Variants in PTPRD observed in about 807,000 individuals in gnomAD.
PTPRD encodes the protein protein tyrosine phosphatase receptor type D, also known as receptor-type tyrosine-protein phosphatase delta.
A neutral mutation model predicts 214.5 loss-of-function variants in PTPRD; 34 were observed. The observed-to-expected ratio is 0.16, with a 90% CI of 0.12 to 0.21. The LOEUF (loss-of-function observed/expected upper bound fraction) is 0.21. Among genes scored for constraint, PTPRD ranks in the 10% least tolerant of loss-of-function variants. PTPRD has a pLI of 1.00. For missense variants in PTPRD, 2,545 were observed against 2,398.7 expected, an observed-to-expected ratio of 1.06 and a Z score of -1.27; for synonymous variants, 1,128 against 845.7, an observed-to-expected ratio of 1.33 and a Z score of -5.79.
intron 14 of PTPRD, among the ~76,000 whole-genome samples, chr9:8,596,069 T>C (rs1375833961): frequency 6.6e-6 from 1 of 152,186 alleles, no homozygotes; most frequent in Non-Finnish European, 1.5e-5. Context: ...TAAACATATT[T>C]ATCTTTTTCA....
At position 9,260,802 on chromosome 9, in the gene PTPRD, T is replaced by C. The variant is rs918537451; in HGVS notation, c.-202-77439A>G. 5.9e-5 allele frequency among the ~76,000 whole-genome samples: 9 copies of C among 152,008 alleles called. 1 individual carries two copies. Among genetic ancestry groups the C allele is most frequent in the Admixed American group, 5.9e-4 (9 of 15,248 alleles). ...CACTGACAATCACTTTTTCCCACCC[T>C]GTTCTCTTTAGGACAAACCGTGCAG... On this transcript the variant is annotated intron_variant, in intron 9 of 45. Transcript: ENST00000381196.
At chr9:8,450,361 A>C (rs2095887897) in intron 33 of PTPRD, among the ~76,000 whole-genome samples, 1 of 152,152 alleles carries the variant, frequency 6.6e-6, no homozygotes, top group Non-Finnish European at 1.5e-5. Flanking sequence ...GTGCATTTTT[A>C]AGATGCCAAG....
At position 9,290,319 on chromosome 9, in the gene PTPRD, C is replaced by T. The variant is rs141593634; in HGVS notation, c.-202-106956G>A. On this transcript the variant is annotated intron_variant, in intron 9 of 45. Transcript: ENST00000381196. ...TTAAATTAGATTATTTGCTTCTTTG[C>T]TATTTAGTTGTGTGAGTTTCTTATA... 9.9e-5 allele frequency among the ~76,000 whole-genome samples: 15 copies of T among 151,622 alleles called. No individual in the cohort carries two copies. The East Asian group carries it at 2.7e-3, about 28-fold the overall frequency.
At chr9:8,648,940 C>G (rs2154342231) in intron 12 of PTPRD, among the ~76,000 whole-genome samples, 1 of 152,306 alleles carries the variant, frequency 6.6e-6, no homozygotes, top group Middle Eastern at 3.4e-3. Context: ...TGCTGATCAT[C>G]ATTAAAAATA....
intron 2 of PTPRD, among the ~76,000 whole-genome samples, chr9:10,384,307 T>C (rs138931873): frequency 6.6e-6 from 1 of 151,696 alleles, no homozygotes; most frequent in African/African-American, 2.4e-5. Flanking sequence ...ATACACCTAC[T>C]AGGTACCCAC....
At chr9:9,818,467 T>C (rs1418944489) in intron 5 of PTPRD, among the ~76,000 whole-genome samples, 3 of 152,202 alleles carry the variant, frequency 2.0e-5, no homozygotes, top group Admixed American at 6.5e-5. Context: ...CATTATTTAG[T>C]TTATGAGTAA....
At chr9:9,258,585 T>G (rs1364627409) in intron 9 of PTPRD, among the ~76,000 whole-genome samples, 1 of 151,950 alleles carries the variant, frequency 6.6e-6, no homozygotes, top group Non-Finnish European at 1.5e-5. Flanking sequence ...GTATAATCAT[T>G]CAAATATTTT....
At chr9:10,382,246 G>A (rs2097840880) in intron 2 of PTPRD, among the ~76,000 whole-genome samples, 2 of 151,774 alleles carry the variant, frequency 1.3e-5, no homozygotes, top group Non-Finnish European at 2.9e-5. Context: ...TCTAATATAG[G>A]CATTTAAAGC....
chr9:10,256,069 G>T (rs1399870367), intron 3 of PTPRD, among the ~76,000 whole-genome samples: 1 of 152,200 alleles, frequency 6.6e-6, no homozygotes, highest in Non-Finnish European at 1.5e-5. Flanking sequence ...CTGCATATGT[G>T]AGGAGTCTAG....
chr9:10,364,608 T>TTTAA (rs61165948), intron 2 of PTPRD, among the ~76,000 whole-genome samples: 10,570 of 152,210 alleles, frequency 0.069, 1,216 homozygotes, highest in African/African-American at 0.24. Context: ...CAACTATATC[T>TTTAA]TTAACCTCAA....
chr9:8,453,344 TTAG>T (rs2096041948), intron 33 of PTPRD, among the ~76,000 whole-genome samples: 2 of 151,992 alleles, frequency 1.3e-5, no homozygotes, highest in South Asian at 2.1e-4. Context: ...TTTGTATTTT[TTAG>T]TAGAGATGTG....
intron 11 of PTPRD, among the ~76,000 whole-genome samples, chr9:8,886,183 G>T (rs866915979): frequency 3.4e-4 from 52 of 152,212 alleles, no homozygotes; most frequent in Middle Eastern, 3.4e-3. Context: ...TGATATTTGG[G>T]GACATCTGGA....
intron 3 of PTPRD, among the ~76,000 whole-genome samples, chr9:10,072,131 T>C (rs1356951520): frequency 6.6e-6 from 1 of 151,942 alleles, no homozygotes. Context: ...ATATGAAATA[T>C]ACAATAATTC....
chr9:8,784,560 T>C (rs1488310129), intron 11 of PTPRD, among the ~76,000 whole-genome samples: 1 of 152,186 alleles, frequency 6.6e-6, no homozygotes, highest in Non-Finnish European at 1.5e-5. Context: ...CTGGTTTTAT[T>C]GCATTTTTCT....
chr9:8,390,150 A>C (rs2088946544), intron 36 of PTPRD, among the ~76,000 whole-genome samples: 1 of 152,168 alleles, frequency 6.6e-6, no homozygotes, highest in South Asian at 2.1e-4. Flanking sequence ...TGTCCTCTCC[A>C]GTTTGTTCTC....
At chr9:9,961,722 A>T (rs2094379731) in intron 4 of PTPRD, among the ~76,000 whole-genome samples, 1 of 152,192 alleles carries the variant, frequency 6.6e-6, no homozygotes, top group Non-Finnish European at 1.5e-5. Context: ...ATCAGATAAG[A>T]TGATGAAATA....
At chr9:9,940,934 T>C (rs2091283040) in intron 4 of PTPRD, among the ~76,000 whole-genome samples, 1 of 152,102 alleles carries the variant, frequency 6.6e-6, no homozygotes, top group Non-Finnish European at 1.5e-5. Context: ...TGTTCTTCCA[T>C]GGCACACAGC....
rs1238663698 is a variant in PTPRD at position 9,950,580 on chromosome 9, C to A, written c.-471-11970G>T. On this transcript the variant is annotated intron_variant, in intron 4 of 45. Coordinates refer to ENST00000381196, the MANE Select transcript of PTPRD (RefSeq NM_002839.4). ...TCTACTAAAAATACAAAAAATTAGCCGGGCGAGGTGGTGGACGCCTGTAGT... is the reference window on the plus strand; with the variant it reads ...TCTACTAAAAATACAAAAAATTAGCAGGGCGAGGTGGTGGACGCCTGTAGT... 2.4e-5 allele frequency among the ~76,000 whole-genome samples: 2 copies of A among 81,746 alleles called. 1 individual carries two copies. Among genetic ancestry groups the A allele is most frequent in the Non-Finnish European group, 3.9e-5 (2 of 50,998 alleles). 53.6% of individuals were successfully genotyped at this position (81,746 alleles called of 152,430 possible).
At chr9:8,663,999 C>T (rs150757999) in intron 12 of PTPRD, among the ~76,000 whole-genome samples, 1 of 152,020 alleles carries the variant, frequency 6.6e-6, no homozygotes, top group Non-Finnish European at 1.5e-5. Flanking sequence ...CAGATCTTTC[C>T]GGATGTCATG....
Sources: allele counts gnomAD v4.1 joint callset (sites outside exome capture counted in the v4.1 genomes callset), GRCh38; gene constraint gnomAD v4.1.1; transcripts MANE v1.5; gene names NCBI Gene and HGNC (gene_info 2026-07-23, HGNC 2026-07-21).